The following SDR42E1 variants were observed in gnomAD, a reference collection of about 807,000 sequenced individuals.
SDR42E1 encodes the protein short-chain dehydrogenase/reductase family 42E member 1.
Under a neutral mutation model 2.6 loss-of-function variants are expected in SDR42E1, and 5 were observed. That is an observed-to-expected ratio of 1.94 (90% CI 1.01 to 4.08). The LOEUF is 4.08. Among genes scored for constraint, SDR42E1 ranks in the 30% most tolerant of loss-of-function variants. The probability of loss-of-function intolerance (pLI) is 0.00; values close to 1 mark genes in which losing one functional copy is unlikely to be tolerated. For missense variants in SDR42E1, 596 were observed against 478.6 expected (o/e 1.25, Z -2.29); for synonymous variants, 231 against 188.3 (o/e 1.23, Z -1.86).
rs776943588 is a variant in SDR42E1 at position 81,999,432 on chromosome 16, G to C, written c.861C>G (p.Val287=). ...FPSTRLPLTL[V]YCFAFLTEMV... Reference sequence around the variant, plus strand: ...TCTCTGTTAGAAAAGCAAAGCAGTAGACCAAGGTCAATGGCAGGCGGGTAG... The same window carrying C: ...TCTCTGTTAGAAAAGCAAAGCAGTACACCAAGGTCAATGGCAGGCGGGTAG... The change falls in exon 3 of 3, where the codon GTC becomes GTG. Residue 287 remains valine (V), a synonymous_variant. Transcript: ENST00000328945. The C allele has an allele frequency of 9.9e-6, 16 of 1,614,180 alleles. No individual in the cohort carries two copies. In the Middle Eastern group the frequency reaches 1.2e-3, roughly 116 times the overall value.
chr16:82,008,028 T>C (rs780416913), intron 1 of SDR42E1, among the ~76,000 whole-genome samples: 2 of 152,156 alleles, frequency 1.3e-5, no homozygotes, highest in Non-Finnish European at 2.9e-5. Context: ...AATTGAATCA[T>C]GGGGGCGGGT....
In SDR42E1 at chr16:81,999,849, G is replaced by T. The variant is rs144311554; in HGVS notation, c.444C>A (p.His148Gln). ...ESLPYLPLHL[H>Q]PDHYSRTKSI... ...ACTTTGTCCGAGAGTAGTGATCAGG[G>T]TGGAGGTGAAGAGGCAGGTAGGGCA... The change falls in exon 3 of 3, where the codon CAC becomes CAA. Residue 148 changes from histidine to glutamine, a missense_variant. Transcript: ENST00000328945. 1 of 1,614,192 alleles carries T rather than the reference G, an allele frequency of 6.2e-7. No homozygotes were observed. The highest frequency in any genetic ancestry group is 2.2e-5 in the East Asian group (1 of 44,886).
At chr16:82,001,068 G>T (rs555733262) in intron 1 of SDR42E1, among the ~76,000 whole-genome samples, 184 bp from the exon 2 acceptor site, 1 of 152,168 alleles carries the variant, frequency 6.6e-6, no homozygotes, top group South Asian at 2.1e-4. Context: ...AATTTCACCC[G>T]ATGTAACATG....
Position 81,992,682 on chromosome 16 carries a change from C to G in SDR42E1, c.*6429G>C, listed in dbSNP as rs1401051286. 6.6e-6 allele frequency: 1 copy of G among 152,074 alleles called. No homozygotes were observed. The highest frequency in any genetic ancestry group is 2.4e-5 in the African/African-American group (1 of 41,410). 9.4% of individuals were successfully genotyped at this position (152,074 alleles called of 1,614,324 possible). On this transcript the variant is annotated 3_prime_UTR_variant, in exon 3 of 3. Transcript: ENST00000328945. ...AACCAGCTGTTAAAAATAAACATTG[C>G]GAATTACTGCTGATAAATCCCCTGT...
At chr16:82,002,782 G>A (rs1360887420) in intron 1 of SDR42E1, among the ~76,000 whole-genome samples, 2 of 152,192 alleles carry the variant, frequency 1.3e-5, no homozygotes, top group African/African-American at 4.8e-5. Flanking sequence ...TCATCTAAAA[G>A]TGGAGCTGAT....
chr16:82,005,104 C>T (rs914166921), intron 1 of SDR42E1, among the ~76,000 whole-genome samples: 4 of 152,214 alleles, frequency 2.6e-5, no homozygotes, highest in Non-Finnish European at 5.9e-5. Context: ...AACATTCCAA[C>T]GGAAATACCT....
intron 1 of SDR42E1, among the ~76,000 whole-genome samples, chr16:82,001,763 G>A (rs1034598907): frequency 3.3e-5 from 5 of 151,788 alleles, no homozygotes; most frequent in Non-Finnish European, 7.4e-5. Context: ...TTAGCCGGGC[G>A]TGGTGGCGGG....
chr16:82,008,788 A>T (rs1449593744), intron 1 of SDR42E1, among the ~76,000 whole-genome samples: 2 of 152,236 alleles, frequency 1.3e-5, no homozygotes, highest in African/African-American at 4.8e-5. Flanking sequence ...AGTAACAAGG[A>T]GCCAAATGCT....
chr16:82,002,966 C>T (rs1474397020), intron 1 of SDR42E1, among the ~76,000 whole-genome samples: 1 of 152,160 alleles, frequency 6.6e-6, no homozygotes, highest in Non-Finnish European at 1.5e-5. Context: ...CTACATCTCT[C>T]AAAAGCACAG....
chr16:81,989,311 G>C lies in SDR42E1; in HGVS notation c.*9800C>G, dbSNP rs564343187. ...AGGAACTGTGAGGTGGGAGACAGTA[G>C]TATGGGGAAAGACATGAACACCACA... On this transcript the variant is annotated 3_prime_UTR_variant, in exon 3 of 3. Transcript: ENST00000328945. 2.6e-5 allele frequency: 4 copies of C among 152,190 alleles called. No homozygotes were observed. Among genetic ancestry groups the C allele is most frequent in the African/African-American group, 9.7e-5 (4 of 41,438 alleles). 9.4% of individuals were successfully genotyped at this position (152,190 alleles called of 1,614,324 possible). A position where few individuals can be genotyped will look rare whatever the true frequency, so the allele number is the denominator to read the frequency against.
chr16:82,004,284 G>A (rs1912862939), intron 1 of SDR42E1, among the ~76,000 whole-genome samples: 1 of 152,198 alleles, frequency 6.6e-6, no homozygotes, highest in Non-Finnish European at 1.5e-5. Flanking sequence ...GGGCCCATGG[G>A]AGGATCTAGG....
rs558741188 is a variant in SDR42E1, at chr16:81,992,165, G to GA, written c.*6945dup. On this transcript the variant is annotated 3_prime_UTR_variant, in exon 3 of 3. Coordinates refer to ENST00000328945, the MANE Select transcript of SDR42E1 (RefSeq NM_145168.3). ...GAGCAAAACTCCATCTCAAAAAAAA[G>GA]AAAAAAAAATTAGAAAGCCTTATCC... 705 of 150,692 alleles carry GA rather than the reference G, an allele frequency of 4.7e-3. 8 individuals are homozygous for GA. Among genetic ancestry groups the GA allele is most frequent in the African/African-American group, 0.016 (673 of 41,156 alleles). 9.3% of individuals were successfully genotyped at this position (150,692 alleles called of 1,614,324 possible).
chr16:82,001,682 C>G (rs1294156292), intron 1 of SDR42E1, among the ~76,000 whole-genome samples: 1 of 152,036 alleles, frequency 6.6e-6, no homozygotes, highest in Non-Finnish European at 1.5e-5. Context: ...GCAGGCGGAT[C>G]ATGAGGTCAG....
Position 82,010,755 on chromosome 16 carries a change from C to T in SDR42E1, c.-27+632G>A, listed in dbSNP as rs187321535. On this transcript the variant is annotated intron_variant, in intron 1 of 2. Coordinates refer to ENST00000328945, the MANE Select transcript of SDR42E1 (RefSeq NM_145168.3). ...CTAAAATGTAGAAAACGAAACTGGG[C>T]TCTGACCACATTAAGAATACATCGT... Among the ~76,000 whole-genome samples, 244 of 152,312 alleles carry T rather than the reference C, an allele frequency of 1.6e-3. 1 individual carries two copies. The highest frequency in any genetic ancestry group is 5.8e-3 in the African/African-American group (241 of 41,560).
rs1912696273 is a variant in SDR42E1, at chr16:82,000,006, T to C, written c.287A>G (p.Lys96Arg). The change falls in exon 3 of 3, where the codon AAA (lysine) becomes AGA (arginine). Residue 96 changes from lysine to arginine, a missense_variant. Transcript: ENST00000328945. ...GREQLNRNLI[K>R]EVNVRGTDNI... ...GTCTGTGCCCCTGACGTTGACTTCT[T>C]TGATCAGGTTTCGATTGAGTTGCTC... The C allele has an allele frequency of 6.2e-7, 1 of 1,614,084 alleles. No homozygotes were observed. Among genetic ancestry groups the C allele is most frequent in the Non-Finnish European group, 8.5e-7 (1 of 1,180,040 alleles).
intron 1 of SDR42E1, among the ~76,000 whole-genome samples, chr16:82,003,577 C>T (rs1414026737): frequency 6.6e-6 from 1 of 152,204 alleles, no homozygotes. Context: ...CCTGTTCTCA[C>T]TTCAGTGTGA....
Position 81,999,877 on chromosome 16 carries a change from G to C in SDR42E1, c.416C>G (p.Ser139Cys). 6.2e-7 allele frequency: 1 copy of C among 1,614,176 alleles called. No individual in the cohort carries two copies. The highest frequency in any genetic ancestry group is 8.5e-7 in the Non-Finnish European group (1 of 1,180,040). Residue 139 changes from serine to cysteine, a missense_variant, in exon 3 of 3, where the codon TCT (serine) becomes TGT (cysteine). Coordinates refer to ENST00000328945, the MANE Select transcript of SDR42E1 (RefSeq NM_145168.3). ...GGQVIRNGDE[S>C]LPYLPLHLHP... ...GAGGTGAAGAGGCAGGTAGGGCAGAGATTCATCCCCATTTCTGATAACTTG... is the reference window on the plus strand; with the variant it reads ...GAGGTGAAGAGGCAGGTAGGGCAGACATTCATCCCCATTTCTGATAACTTG...
rs560211679 is a variant in SDR42E1 at position 81,993,971 on chromosome 16, C to G, written c.*5140G>C. 6.6e-6 allele frequency: 1 copy of G among 152,124 alleles called. No homozygotes were observed. Among genetic ancestry groups the G allele is most frequent in the African/African-American group, 2.4e-5 (1 of 41,410 alleles). 9.4% of individuals were successfully genotyped at this position (152,124 alleles called of 1,614,324 possible). A position where few individuals can be genotyped will look rare whatever the true frequency, so the allele number is the denominator to read the frequency against. On this transcript the variant is annotated 3_prime_UTR_variant, in exon 3 of 3. Transcript: ENST00000328945. ...TACCCAGGGACCAAAAGACGACCCCCGTTTGAAAGAAAGAGGGCACAGAGG... is the reference window on the plus strand; with the variant it reads ...TACCCAGGGACCAAAAGACGACCCCGGTTTGAAAGAAAGAGGGCACAGAGG...
intron 1 of SDR42E1, among the ~76,000 whole-genome samples, chr16:82,002,400 G>A (rs996983581): frequency 6.6e-6 from 1 of 152,134 alleles, no homozygotes; most frequent in East Asian, 1.9e-4. Flanking sequence ...GAATGCTAAA[G>A]TTTCTAAAAA....
Sources: allele counts gnomAD v4.1 joint callset (sites outside exome capture counted in the v4.1 genomes callset), GRCh38; gene constraint gnomAD v4.1.1; transcripts MANE v1.5; gene names NCBI Gene and HGNC (gene_info 2026-07-23, HGNC 2026-07-21).